PSEN1: variants seen among roughly 807,000 people sequenced by gnomAD.
The protein encoded by PSEN1 is presenilin 1, also known as presenilin-1.
Under a neutral mutation model 53.5 loss-of-function variants are expected in PSEN1, and 15 were observed. That is an observed-to-expected ratio of 0.28 (90% CI 0.19 to 0.43). PSEN1 has a LOEUF of 0.43. Among genes scored for constraint, PSEN1 ranks in the 20% least tolerant of loss-of-function variants. The pLI is 1.00. For synonymous variants in PSEN1, 208 were observed against 209.8 expected (o/e 0.99, Z 0.08); for missense variants, 387 against 571.2 (o/e 0.68, Z 3.29).
rs150562889 is a variant in PSEN1, at chr14:73,193,677, G to A, written c.769+813G>A. Among the ~76,000 whole-genome samples the A allele has an allele frequency of 4.1e-3, 615 of 150,114 alleles. 4 individuals carry two copies. The highest frequency in any genetic ancestry group is 0.01 in the Middle Eastern group (3 of 288). ...GCAGAAGCTTTTTTCTTTTTTTTGA[G>A]ACAAAGTCTTGCTGTGTCACCCAGG... On this transcript the variant is annotated intron_variant, in intron 7 of 11. Coordinates refer to ENST00000324501, the MANE Select transcript of PSEN1 (RefSeq NM_000021.4).
At chr14:73,167,175 A>G (rs936867788) in intron 3 of PSEN1, among the ~76,000 whole-genome samples, 1 of 152,118 alleles carries the variant, frequency 6.6e-6, no homozygotes, top group African/African-American at 2.4e-5. Context: ...GCCATGGTGG[A>G]TAGACAGAAC....
chr14:73,166,151 G>C (rs561060686), intron 3 of PSEN1, among the ~76,000 whole-genome samples: 2 of 152,338 alleles, frequency 1.3e-5, no homozygotes, highest in African/African-American at 4.8e-5. Context: ...AAGTTAAACA[G>C]TGTTCTAGTA....
chr14:73,170,164 TCTC>T (rs2140034799), intron 3 of PSEN1, among the ~76,000 whole-genome samples: 1 of 152,316 alleles, frequency 6.6e-6, no homozygotes, highest in African/African-American at 2.4e-5. Context: ...CAGAGGTCAC[TCTC>T]CTCACCATCT....
At chr14:73,196,370 G>A (rs1340672479) in intron 7 of PSEN1, among the ~76,000 whole-genome samples, 1 of 148,030 alleles carries the variant, frequency 6.8e-6, no homozygotes, top group Non-Finnish European at 1.5e-5. Flanking sequence ...TTGTGTATGT[G>A]TGTTTTATTA....
intron 5 of PSEN1, among the ~76,000 whole-genome samples, chr14:73,184,709 C>A (rs1371763326): frequency 2.0e-5 from 3 of 151,334 alleles, no homozygotes; most frequent in Non-Finnish European, 4.4e-5. Context: ...CCCCCCACCT[C>A]CCTCCCGGAT....
intron 3 of PSEN1, among the ~76,000 whole-genome samples, chr14:73,164,535 A>G (rs1456685323): frequency 6.6e-6 from 1 of 152,242 alleles, no homozygotes; most frequent in East Asian, 1.9e-4. Flanking sequence ...AGAATTTACA[A>G]CAACCCTATC....
chr14:73,141,828 G>A (rs1015947213), intron 1 of PSEN1, among the ~76,000 whole-genome samples: 2 of 151,754 alleles, frequency 1.3e-5, no homozygotes, highest in Non-Finnish European at 2.9e-5. Context: ...AGCACTTTGG[G>A]AGGCAGAGGC....
rs113270982 is a variant in PSEN1, at chr14:73,198,748, G to T, written c.868+619G>T. Among the ~76,000 whole-genome samples, 317 of 152,278 alleles carry T rather than the reference G, an allele frequency of 2.1e-3. 3 individuals carry two copies. The highest frequency in any genetic ancestry group is 3.7e-3 in the Non-Finnish European group (252 of 68,022). ...GAGAAGTTGTAAGCTTGAAGGAAAG[G>T]TGATGAAGAAAAAATGCTTTCCTGT... is the stretch of plus-strand genomic sequence containing the variant. On this transcript the variant is annotated intron_variant, in intron 8 of 11. Transcript: ENST00000324501.
At chr14:73,186,427 G>A (rs1018399051) in intron 5 of PSEN1, among the ~76,000 whole-genome samples, 2 of 152,080 alleles carry the variant, frequency 1.3e-5, no homozygotes, top group African/African-American at 4.8e-5. Flanking sequence ...CCAATATCTA[G>A]GTAAAGCCAT....
chr14:73,165,416 A>G (rs999373998), intron 3 of PSEN1, among the ~76,000 whole-genome samples: 10 of 152,148 alleles, frequency 6.6e-5, no homozygotes, highest in African/African-American at 2.4e-4. Flanking sequence ...GACTATAGGT[A>G]TGTGCCACTA....
rs1164045598 is a variant in PSEN1 at position 73,222,131 on chromosome 14, G to A, written c.*2842G>A. ...CCTTCCTGTTTTTGGTTCTCAGTAG[G>A]TTCGTGTGTGTTCCTAGAATCACAG... On this transcript the variant is annotated 3_prime_UTR_variant, in exon 12 of 12. Transcript: ENST00000324501. The A allele has an allele frequency of 6.6e-6, 1 of 152,068 alleles. No individual in the cohort carries two copies. Among genetic ancestry groups the A allele is most frequent in the Non-Finnish European group, 1.5e-5 (1 of 68,020 alleles). The allele number at this position is 152,068 out of a possible 1,614,324, so 9.4% of individuals were successfully genotyped here. A position where few individuals can be genotyped will look rare whatever the true frequency, so the allele number is the denominator to read the frequency against.
At chr14:73,143,265 A>T (rs1476291492) in intron 1 of PSEN1, among the ~76,000 whole-genome samples, 2 of 152,070 alleles carry the variant, frequency 1.3e-5, no homozygotes, top group African/African-American at 4.8e-5. Context: ...TCTGCTTCCT[A>T]CCGAGCCCCC....
At chr14:73,206,335 T>C (rs1301605666) in intron 8 of PSEN1, 51 bp from the exon 9 acceptor site, 2 of 1,286,618 alleles carry the variant, frequency 1.6e-6, no homozygotes, top group Non-Finnish European at 2.3e-6. Flanking sequence ...TTGTTGTCTA[T>C]GCATACTTTG....
chr14:73,167,857 A>G (rs1897765332), intron 3 of PSEN1: 1 of 147,086 alleles, frequency 6.8e-6, no homozygotes, highest in African/African-American at 2.5e-5. Flanking sequence ...GCTTCGAAGA[A>G]TGATTGCCTT....
chr14:73,196,404 C>A (rs1198738513), intron 7 of PSEN1, among the ~76,000 whole-genome samples: 1 of 143,842 alleles, frequency 7.0e-6, no homozygotes, highest in African/African-American at 2.6e-5. Context: ...TATTATAGTT[C>A]TATATATACT....
At chr14:73,147,417 A>G (rs1897102993) in intron 1 of PSEN1, 1 of 161,380 alleles carries the variant, frequency 6.2e-6, no homozygotes, top group South Asian at 1.7e-4. Flanking sequence ...TGTGATAAGG[A>G]TAAGATGACA....
chr14:73,184,002 C>T (rs1436996129), intron 5 of PSEN1, among the ~76,000 whole-genome samples: 8 of 130,212 alleles, frequency 6.1e-5, no homozygotes, highest in Non-Finnish European at 9.7e-5. Context: ...TAGGAGCGGC[C>T]GGGCAGAGGC....
intron 8 of PSEN1, among the ~76,000 whole-genome samples, chr14:73,205,587 T>G (rs1899423911): frequency 6.6e-6 from 1 of 152,200 alleles, no homozygotes; most frequent in South Asian, 2.1e-4. Context: ...TTATATGTAC[T>G]TTTGTGTTAT....
At chr14:73,217,354 C>CT in intron 11 of PSEN1, 110 bp downstream of exon 11, 1 of 1,269,688 alleles carries the variant, frequency 7.9e-7, no homozygotes, top group Non-Finnish European at 1.1e-6. Context: ...AATATTCCAG[C>CT]TATCTGAGGA....
Sources: allele counts gnomAD v4.1 joint callset (sites outside exome capture counted in the v4.1 genomes callset), GRCh38; gene constraint gnomAD v4.1.1; transcripts MANE v1.5; gene names NCBI Gene and HGNC (gene_info 2026-07-23, HGNC 2026-07-21).